The following PIPOX variants were observed in gnomAD, a reference collection of about 807,000 sequenced individuals.
PIPOX encodes pipecolic acid and sarcosine oxidase.
A neutral mutation model predicts 47.9 loss-of-function variants in PIPOX; 45 were observed. The observed-to-expected ratio is 0.94, with a 90% CI of 0.74 to 1.20. The LOEUF (loss-of-function observed/expected upper bound fraction) is 1.20. Among genes scored for constraint, PIPOX ranks in the 50% most tolerant of loss-of-function variants. The pLI, the probability that PIPOX is intolerant of heterozygous loss-of-function variation, is 0.00. For missense variants in PIPOX, 458 were observed against 498.4 expected (o/e 0.92, Z 0.77); for synonymous variants, 165 against 191.3 (o/e 0.86, Z 1.13).
At position 29,056,514 on chromosome 17, in the gene PIPOX, C is replaced by T. The variant is rs184145260; in HGVS notation, c.*209C>T. ...ACTTGAATCCCCCGTAAACACCAGA[C>T]GATTGAGTCTACCTTCTTTTCTTGG... On this transcript the variant is annotated 3_prime_UTR_variant, in exon 8 of 8. Transcript: ENST00000323372. The T allele has an allele frequency of 3.4e-4, 202 of 598,576 alleles. No individual in the cohort carries two copies. Among genetic ancestry groups the T allele is most frequent in the Admixed American group, 2.2e-3 (72 of 32,904 alleles). The allele number at this position is 598,576 out of a possible 1,614,324, so 37.1% of individuals were successfully genotyped here.
At position 29,053,519 on chromosome 17, in the gene PIPOX, C is replaced by A. The variant is rs1163431607; in HGVS notation, c.584C>A (p.Ala195Asp). The stretch of plus-strand genomic sequence containing the variant: ...AAAACCACCTCCAGGAGCTACCAAG[C>A]TAAGAGCTTGGTCATCACAGCAGGT... Reference protein sequence around the residue: ...TVKTTSRSYQAKSLVITAGPW... With the variant: ...TVKTTSRSYQDKSLVITAGPW... Residue 195 changes from alanine (A) to aspartate (D), a missense_variant, in exon 4 of 8, where the codon GCT becomes GAT. By Grantham distance (126) the Ala-to-Asp change is moderately radical. Coordinates refer to ENST00000323372, the MANE Select transcript of PIPOX (RefSeq NM_016518.3). 2 of 1,614,060 alleles carry A rather than the reference C, an allele frequency of 1.2e-6. No individual in the cohort carries two copies. Among genetic ancestry groups the A allele is most frequent in the South Asian group, 2.2e-5 (2 of 91,078 alleles).
rs1004053461 is a variant in PIPOX at position 29,055,977 on chromosome 17, C to T, written c.1042+89C>T. The T allele has an allele frequency of 9.6e-6, 13 of 1,357,002 alleles. No individual in the cohort carries two copies. The African/African-American group carries it at 1.9e-4, about 19-fold the overall frequency. The allele number at this position is 1,357,002 out of a possible 1,614,324, so 84.1% of individuals were successfully genotyped here. ...GGTATTTTCCACACTCTTAGCTGCC[C>T]AGATAGGTGTGAAGCCTGGACATTG... On this transcript the variant is annotated intron_variant, in intron 7 of 7. Coordinates refer to ENST00000323372, the MANE Select transcript of PIPOX (RefSeq NM_016518.3).
At chr17:29,049,535 T>A (rs572901766) in intron 2 of PIPOX, among the ~76,000 whole-genome samples, 2 of 152,320 alleles carry the variant, frequency 1.3e-5, no homozygotes, top group South Asian at 4.1e-4. Flanking sequence ...AAGCCATCCA[T>A]CTTCATACTG....
Position 29,056,068 on chromosome 17 carries a change from G to A in PIPOX, c.1043-107G>A, listed in dbSNP as rs1032483762. 21 of 1,460,990 alleles carry A rather than the reference G, an allele frequency of 1.4e-5. No individual in the cohort carries two copies. In the East Asian group the frequency reaches 4.8e-4, roughly 33 times the overall value. The allele number at this position is 1,460,990 out of a possible 1,614,324, so 90.5% of individuals were successfully genotyped here. On this transcript the variant is annotated intron_variant, in intron 7 of 7. Transcript: ENST00000323372. ...TGGTGGGAGGCCACTTCTGGCTTTG[G>A]GATGTGACCAGGAGGACAGTCAGCC...
At chr17:29,052,542 G>C (rs1324492093) in intron 2 of PIPOX, among the ~76,000 whole-genome samples, 2 of 152,234 alleles carry the variant, frequency 1.3e-5, no homozygotes, top group Non-Finnish European at 2.9e-5. Flanking sequence ...TCCTGAAGGA[G>C]AGCAAATGGC....
chr17:29,051,610 A>G (rs867480051), intron 2 of PIPOX, among the ~76,000 whole-genome samples: 10 of 152,158 alleles, frequency 6.6e-5, no homozygotes, highest in Non-Finnish European at 5.9e-5. Context: ...TTTCCCCCCA[A>G]AAGGGAGCTC....
intron 2 of PIPOX, among the ~76,000 whole-genome samples, chr17:29,049,648 C>A (rs1372636806): frequency 6.6e-6 from 1 of 152,172 alleles, no homozygotes; most frequent in Non-Finnish European, 1.5e-5. Flanking sequence ...TAATCACAGG[C>A]CTTTGCATTT....
chr17:29,054,565 T>C lies in PIPOX; in HGVS notation c.681T>C (p.Cys227=). ...TCAAGACCCTGCGGATCAACGTGTG[T>C]TACTGGCGAGAGATGGTTCCTGGGA... ...MPLQTLRINV[C]YWREMVPGSY... The change falls in exon 5 of 8, where the codon TGT becomes TGC. Residue 227 remains cysteine, a synonymous_variant. Transcript: ENST00000323372. 6.2e-7 allele frequency: 1 copy of C among 1,614,182 alleles called. No homozygotes were observed. Among genetic ancestry groups the C allele is most frequent in the Non-Finnish European group, 8.5e-7 (1 of 1,180,024 alleles).
Position 29,043,153 on chromosome 17 carries a change from G to A in PIPOX, c.-73G>A. 3.3e-6 allele frequency: 4 copies of A among 1,215,208 alleles called. No homozygotes were observed. Among genetic ancestry groups the A allele is most frequent in the East Asian group, 4.8e-5 (2 of 41,302 alleles). 75.3% of individuals were successfully genotyped at this position (1,215,208 alleles called of 1,614,324 possible). A position where few individuals can be genotyped will look rare whatever the true frequency, so the allele number is the denominator to read the frequency against. On this transcript the variant is annotated 5_prime_UTR_variant, in exon 1 of 8. Coordinates refer to ENST00000323372, the MANE Select transcript of PIPOX (RefSeq NM_016518.3). ...CAGGCTGGACTTTGCCTTCCTCCTC[G>A]TCCTTTAGCCGGGAGCCTGTCTTTG...
In PIPOX at chr17:29,055,908, A is replaced by G; in HGVS notation, c.1042+20A>G. The G allele has an allele frequency of 6.2e-7, 1 of 1,608,434 alleles. No homozygotes were observed. Among genetic ancestry groups the G allele is most frequent in the Non-Finnish European group, 8.5e-7 (1 of 1,175,016 alleles). On this transcript the variant is annotated intron_variant, in intron 7 of 7. Coordinates refer to ENST00000323372, the MANE Select transcript of PIPOX (RefSeq NM_016518.3). ...TCTCTGGTGAGTCTGAGCTGGGGGG[A>G]ATGGGGTGCCTTAAAGCTGACCTAC...
intron 2 of PIPOX, among the ~76,000 whole-genome samples, chr17:29,049,522 T>C (rs1470498538): frequency 2.0e-5 from 3 of 152,210 alleles, no homozygotes; most frequent in Non-Finnish European, 4.4e-5. Flanking sequence ...AATCTGCCCA[T>C]GGAAGCCATC....
chr17:29,048,804 C>T (rs1390473500), intron 2 of PIPOX, among the ~76,000 whole-genome samples: 1 of 152,248 alleles, frequency 6.6e-6, no homozygotes, highest in African/African-American at 2.4e-5. Flanking sequence ...CCTCGGCCCA[C>T]TGAACGGAAG....
rs769900118 is a variant in PIPOX, at chr17:29,053,053, C to T, written c.397C>T (p.Arg133Trp). ...ACTGAAGCAACGTTTCCCAAATATT[C>T]GGTTGCCCAGGGGAGAAGTGGGGCT... ...EELKQRFPNI[R>W]LPRGEVGLLD... The change falls in exon 3 of 8, where the codon CGG (arginine) becomes TGG (tryptophan). Residue 133 changes from arginine (R) to tryptophan (W), a missense_variant. Coordinates refer to ENST00000323372, the MANE Select transcript of PIPOX (RefSeq NM_016518.3). 6 of 1,614,208 alleles carry T rather than the reference C, an allele frequency of 3.7e-6. No individual in the cohort carries two copies. Among genetic ancestry groups the T allele is most frequent in the South Asian group, 3.3e-5 (3 of 91,080 alleles).
At chr17:29,054,723 A>T (rs2065820513) in intron 5 of PIPOX, 32 bp downstream of exon 5, 1 of 1,605,946 alleles carries the variant, frequency 6.2e-7, no homozygotes, top group Admixed American at 1.7e-5. Flanking sequence ...AGGCAGGTAG[A>T]TGCCAGTGCA....
chr17:29,043,949 CTG>C (rs954735084), intron 1 of PIPOX, among the ~76,000 whole-genome samples: 6 of 152,192 alleles, frequency 3.9e-5, no homozygotes, highest in African/African-American at 1.4e-4. Context: ...TGGGTGGGCC[CTG>C]TGTGTCTGCA....
intron 2 of PIPOX, among the ~76,000 whole-genome samples, chr17:29,052,335 A>G (rs1427001400): frequency 6.6e-6 from 1 of 152,218 alleles, no homozygotes; most frequent in East Asian, 1.9e-4. Context: ...CTCTGCCCTC[A>G]AGGGCAGGAT....
intron 6 of PIPOX, 123 bp downstream of exon 6, chr17:29,055,344 A>C (rs1421934419): frequency 1.8e-6 from 2 of 1,137,814 alleles, no homozygotes; most frequent in Non-Finnish European, 2.5e-6. Context: ...ACTTTAAACA[A>C]ACGGGCTCAT....
rs576149890 is a variant in PIPOX, at chr17:29,047,960, AC to A, written c.263+2954del. On this transcript the variant is annotated intron_variant, in intron 2 of 7. Coordinates refer to ENST00000323372, the MANE Select transcript of PIPOX (RefSeq NM_016518.3). ...ATTCTGATGTCTCATAGCCCCAGTTACGAAAAATGAAAAGTAATGTGAATAT... is the reference window on the plus strand; with the variant it reads ...ATTCTGATGTCTCATAGCCCCAGTTAGAAAAATGAAAAGTAATGTGAATAT... Among the ~76,000 whole-genome samples, 794 of 152,346 alleles carry A rather than the reference AC, an allele frequency of 5.2e-3. 7 individuals are homozygous for A. Among genetic ancestry groups the A allele is most frequent in the African/African-American group, 0.018 (737 of 41,576 alleles).
chr17:29,053,166 G>A (rs760805168), intron 3 of PIPOX, 33 bp downstream of exon 3: 39 of 1,580,442 alleles, frequency 2.5e-5, no homozygotes, highest in East Asian at 2.2e-5. Context: ...CGATGCAGGT[G>A]CTCCCTGCTC....
Sources: allele counts gnomAD v4.1 joint callset (sites outside exome capture counted in the v4.1 genomes callset), GRCh38; gene constraint gnomAD v4.1.1; transcripts MANE v1.5; gene names NCBI Gene and HGNC (gene_info 2026-07-23, HGNC 2026-07-21).